The following HDAC9 variants were observed in gnomAD, a reference collection of about 807,000 sequenced individuals.
HDAC9 encodes the protein MEF-2 interacting transcription repressor (MITR) protein.
Under a neutral mutation model 139.4 loss-of-function variants are expected in HDAC9, and 41 were observed. The observed-to-expected ratio is 0.29, with a 90% CI of 0.23 to 0.38. The LOEUF (loss-of-function observed/expected upper bound fraction) is 0.38, where lower values mean the gene tolerates loss of function less well. Among genes scored for constraint, HDAC9 ranks in the 10% least tolerant of loss-of-function variants. The pLI, the probability that HDAC9 is intolerant of heterozygous loss-of-function variation, is 1.00. For synonymous variants in HDAC9, 517 were observed against 476.2 expected (o/e 1.09, Z -1.12); for missense variants, 1,147 against 1,297.0 (o/e 0.88, Z 1.78).
At chr7:18,819,756 G>T (rs959051657) in intron 17 of HDAC9, among the ~76,000 whole-genome samples, 4 of 152,268 alleles carry the variant, frequency 2.6e-5, no homozygotes, top group South Asian at 2.1e-4. Flanking sequence ...TACTGCCAAA[G>T]TTCTATTATT....
chr7:18,296,424 T>TTG (rs60293429), intron 1 of HDAC9, among the ~76,000 whole-genome samples: 18,622 of 150,522 alleles, frequency 0.12, 1,822 homozygotes, highest in African/African-American at 0.28. Context: ...TAGCTCATAT[T>TTG]TGTGTGTGTG....
At chr7:18,823,993 A>G (rs1232251536) in intron 17 of HDAC9, among the ~76,000 whole-genome samples, 1 of 147,214 alleles carries the variant, frequency 6.8e-6, no homozygotes, top group Non-Finnish European at 1.5e-5. Flanking sequence ...AAGAAGAAGA[A>G]GAAGGAGAAG....
rs1784832381 is a variant in HDAC9, at chr7:18,980,487, C to CTT, written c.3170+4536_3170+4537dup. Reference sequence around the variant, plus strand: ...TCTCTCTGAGTTTAATTTTCCTCATCTTTAAAATGAGAGAAAAATTTCATA... The same window carrying CTT: ...TCTCTCTGAGTTTAATTTTCCTCATCTTTTTAAAATGAGAGAAAAATTTCATA... On this transcript the variant is annotated intron_variant, in intron 25 of 25. Transcript: ENST00000686413. 2.0e-5 allele frequency among the ~76,000 whole-genome samples: 3 copies of CTT among 152,040 alleles called. No individual in the cohort carries two copies. The South Asian group carries it at 6.2e-4, about 31-fold the overall frequency.
Position 18,585,261 on chromosome 7 carries a change from C to CTTTTTTTTTTG in HDAC9, c.23-13_23-12insTTTGTTTTTTT. ...TATTACCCTCCCCCACCCCATTTCC[C>CTTTTTTTTTTG]TTTTTTTCTGGTTCTTTAGTGGATG... is the stretch of plus-strand genomic sequence containing the variant. On this transcript the variant is annotated intron_variant, in intron 2 of 25. Coordinates refer to ENST00000686413, the MANE Select transcript of HDAC9 (RefSeq NM_178425.4). 5 of 1,609,578 alleles carry CTTTTTTTTTTG rather than the reference C, an allele frequency of 3.1e-6. No homozygotes were observed. The South Asian group carries it at 3.3e-5, about 11-fold the overall frequency.
intron 13 of HDAC9, among the ~76,000 whole-genome samples, chr7:18,737,558 G>A (rs536242038): frequency 2.6e-4 from 40 of 151,994 alleles, no homozygotes; most frequent in Non-Finnish European, 5.0e-4. Context: ...TTAGAATATA[G>A]TTTTCATTAG....
intron 22 of HDAC9, among the ~76,000 whole-genome samples, chr7:18,879,856 T>A (rs529668851): frequency 6.6e-6 from 1 of 152,230 alleles, no homozygotes; most frequent in Non-Finnish European, 1.5e-5. Context: ...AAAGAAACTA[T>A]GAACAGGGTT....
intron 2 of HDAC9, among the ~76,000 whole-genome samples, chr7:18,246,509 C>G (rs987885826): frequency 6.6e-6 from 1 of 151,998 alleles, no homozygotes; most frequent in East Asian, 1.9e-4. Context: ...AATAGTCACC[C>G]CCCCATTCCC....
At chr7:18,182,094 G>A (rs915777467) in intron 2 of HDAC9, among the ~76,000 whole-genome samples, 68 of 152,220 alleles carry the variant, frequency 4.5e-4, no homozygotes, top group African/African-American at 1.5e-3. Context: ...GCTGGCAGCA[G>A]GGCCCAGGAG....
chr7:18,745,052 C>T (rs1787814269), intron 13 of HDAC9, among the ~76,000 whole-genome samples: 1 of 152,010 alleles, frequency 6.6e-6, no homozygotes, highest in Admixed American at 6.6e-5. Flanking sequence ...AAATGGTAAT[C>T]AGTGAGCCAG....
chr7:18,871,815 C>G (rs1030107604), intron 21 of HDAC9, among the ~76,000 whole-genome samples: 1 of 151,968 alleles, frequency 6.6e-6, no homozygotes, highest in Non-Finnish European at 1.5e-5. Context: ...AATTCATTGC[C>G]AAAATAAAGA....
intron 2 of HDAC9, among the ~76,000 whole-genome samples, chr7:18,279,983 T>C (rs1201153001): frequency 6.6e-6 from 1 of 152,122 alleles, no homozygotes; most frequent in Non-Finnish European, 1.5e-5. Context: ...ATAACTGAAT[T>C]ACCCTTAAAA....
chr7:18,837,883 G>C (rs1302146817), intron 21 of HDAC9, among the ~76,000 whole-genome samples: 1 of 152,036 alleles, frequency 6.6e-6, no homozygotes, highest in Non-Finnish European at 1.5e-5. Flanking sequence ...TCTCAGAATG[G>C]CGCCTTCTCT....
At chr7:18,839,735 T>C (rs914663713) in intron 21 of HDAC9, among the ~76,000 whole-genome samples, 1 of 152,094 alleles carries the variant, frequency 6.6e-6, no homozygotes, top group African/African-American at 2.4e-5. Context: ...AACAAATCTT[T>C]TGCTGAATGC....
chr7:18,306,536 A>AAT (rs985005145), intron 1 of HDAC9, among the ~76,000 whole-genome samples: 11 of 152,320 alleles, frequency 7.2e-5, no homozygotes, highest in Admixed American at 3.3e-4. Flanking sequence ...AAGACTGAGT[A>AAT]ATATAGGGGT....
intron 2 of HDAC9, among the ~76,000 whole-genome samples, chr7:18,274,321 C>G (rs1334424534): frequency 6.6e-6 from 1 of 152,092 alleles, no homozygotes; most frequent in Non-Finnish European, 1.5e-5. Flanking sequence ...TGCTTCAACT[C>G]ATGGTGGAAA....
chr7:18,805,982 C>A (rs115509294), intron 17 of HDAC9, among the ~76,000 whole-genome samples: 2,767 of 152,286 alleles, frequency 0.018, 88 homozygotes, highest in African/African-American at 0.063. Context: ...CTGCTGGTCC[C>A]TGATCCTGTG....
intron 2 of HDAC9, among the ~76,000 whole-genome samples, chr7:18,178,822 A>G (rs1012895341): frequency 1.3e-5 from 2 of 152,224 alleles, no homozygotes; most frequent in African/African-American, 4.8e-5. Context: ...AAATACATAG[A>G]AAGGAAAACA....
chr7:18,655,319 A>C (rs552275328), intron 11 of HDAC9, among the ~76,000 whole-genome samples: 9 of 152,298 alleles, frequency 5.9e-5, no homozygotes, highest in African/African-American at 1.9e-4. Flanking sequence ...TTTAGCAAGC[A>C]TTGAAAGGCA....
chr7:18,991,379 G>GCCCA (rs1785931073), intron 25 of HDAC9, among the ~76,000 whole-genome samples: 1 of 152,194 alleles, frequency 6.6e-6, no homozygotes, highest in East Asian at 1.9e-4. Flanking sequence ...AGTGGCTCAT[G>GCCCA]CCTGTAATCC....
Sources: allele counts gnomAD v4.1 joint callset (sites outside exome capture counted in the v4.1 genomes callset), GRCh38; gene constraint gnomAD v4.1.1; transcripts MANE v1.5; gene names NCBI Gene and HGNC (gene_info 2026-07-23, HGNC 2026-07-21).